ANLN: variants seen among roughly 807,000 people sequenced by gnomAD.
The protein encoded by ANLN is anillin, actin binding protein.
In ANLN, 59 loss-of-function variants were observed where a neutral mutation model predicts 135.1. The ratio of observed to expected loss-of-function variants is 0.44; its 90% CI spans 0.35 to 0.54. ANLN has a LOEUF of 0.54. ANLN is among the 20% of genes least tolerant of loss of function. The pLI, the probability that ANLN is intolerant of heterozygous loss-of-function variation, is 0.00. For synonymous variants in ANLN, 406 were observed against 456.4 expected (o/e 0.89, Z 1.41); for missense variants, 1,182 against 1,340.0 (o/e 0.88, Z 1.84).
rs1177943225 is a variant in ANLN, at chr7:36,439,239, T to C, written c.2919T>C (p.Tyr973=). Residue 973 remains tyrosine, a synonymous_variant, in exon 21 of 24, where the codon TAT becomes TAC. Coordinates refer to ENST00000265748, the MANE Select transcript of ANLN (RefSeq NM_018685.5). ...TATCTTCTTTGGAAGGTCATATTTA[T>C]TTAAAAATAAAATGTCAAGTGAATT... ...PFLSSLEGHI[Y]LKIKCQVNSS... The C allele has an allele frequency of 1.3e-6, 2 of 1,597,674 alleles. No individual in the cohort carries two copies. Among genetic ancestry groups the C allele is most frequent in the African/African-American group, 2.7e-5 (2 of 74,420 alleles).
At position 36,422,005 on chromosome 7, in the gene ANLN, C is replaced by T. The variant is rs184149188; in HGVS notation, c.2299+13C>T. On this transcript the variant is annotated intron_variant, in intron 13 of 23. Transcript: ENST00000265748. ...CTTCTAATTGCAAGTAAGTGTGATG[C>T]ACCTGAAAGAGTTCCAACAAATTTC... is the stretch of plus-strand genomic sequence containing the variant. 1.3e-4 allele frequency: 212 copies of T among 1,602,458 alleles called. 3 individuals are homozygous for T. The East Asian group carries it at 4.0e-3, about 30-fold the overall frequency.
intron 22 of ANLN, 122 bp from the exon 23 acceptor site, chr7:36,449,543 A>G (rs1789159297): frequency 1.4e-6 from 1 of 735,362 alleles, no homozygotes; most frequent in Admixed American, 3.3e-5. Flanking sequence ...CAGTGTAACT[A>G]AATTTTAACT....
chr7:36,427,579 C>T (rs1247063716), intron 20 of ANLN, among the ~76,000 whole-genome samples: 3 of 152,146 alleles, frequency 2.0e-5, no homozygotes, highest in Non-Finnish European at 4.4e-5. Flanking sequence ...GTCTCGAACT[C>T]CTGGGCTCTG....
Position 36,401,579 on chromosome 7 carries a change from T to A in ANLN, c.487+2186T>A, listed in dbSNP as rs183291990. ...GTCTTGAACTCCTGACCTCAGGTGA[T>A]CCGCCTGCCGCGGCCTCCCAAAGTG... On this transcript the variant is annotated intron_variant, in intron 3 of 23. Coordinates refer to ENST00000265748, the MANE Select transcript of ANLN (RefSeq NM_018685.5). 6.0e-4 allele frequency among the ~76,000 whole-genome samples: 84 copies of A among 139,218 alleles called. 5 individuals are homozygous for A. Among genetic ancestry groups the A allele is most frequent in the Admixed American group, 2.1e-3 (30 of 14,252 alleles). 91.3% of individuals were successfully genotyped at this position (139,218 alleles called of 152,430 possible). A position where few individuals can be genotyped will look rare whatever the true frequency, so the allele number is the denominator to read the frequency against.
chr7:36,451,599 G>C (rs150846009), intron 23 of ANLN, among the ~76,000 whole-genome samples: 1 of 152,276 alleles, frequency 6.6e-6, no homozygotes, highest in African/African-American at 2.4e-5. Context: ...AACACACTTA[G>C]CACAGTTTCC....
At chr7:36,419,611 C>G in intron 10 of ANLN, 132 bp downstream of exon 10, 1 of 689,004 alleles carries the variant, frequency 1.5e-6, no homozygotes. Context: ...GTTGTCTGTT[C>G]TCTTAAAAGA....
chr7:36,428,014 T>A (rs1483536812), intron 20 of ANLN, among the ~76,000 whole-genome samples: 2 of 152,208 alleles, frequency 1.3e-5, no homozygotes, highest in Admixed American at 6.5e-5. Flanking sequence ...TTACCCTTAG[T>A]GATTTACTCT....
At chr7:36,447,715 G>T (rs1268330486) in intron 22 of ANLN, among the ~76,000 whole-genome samples, 2 of 152,148 alleles carry the variant, frequency 1.3e-5, no homozygotes, top group East Asian at 3.9e-4. Flanking sequence ...GGTAAGGCGT[G>T]GATACGCTGG....
intron 22 of ANLN, among the ~76,000 whole-genome samples, chr7:36,444,426 T>C (rs961430273): frequency 6.6e-6 from 1 of 152,208 alleles, no homozygotes; most frequent in African/African-American, 2.4e-5. Context: ...TTCCTTCTTT[T>C]CTACTGGATG....
intron 9 of ANLN, among the ~76,000 whole-genome samples, chr7:36,417,599 G>C (rs1281175621): frequency 1.3e-5 from 2 of 151,918 alleles, no homozygotes; most frequent in Non-Finnish European, 2.9e-5. Flanking sequence ...CCACAGGTTG[G>C]GGACTCAGTC....
rs527704563 is a variant in ANLN at position 36,400,859 on chromosome 7, TA to T, written c.487+1467del. Among the ~76,000 whole-genome samples the T allele has an allele frequency of 6.5e-3, 993 of 152,288 alleles. 4 individuals are homozygous for T. Among genetic ancestry groups the T allele is most frequent in the Non-Finnish European group, 9.4e-3 (642 of 68,016 alleles). On this transcript the variant is annotated intron_variant, in intron 3 of 23. Transcript: ENST00000265748. ...GGAGCTCAAAGATGTGCTTTTGTCT[TA>T]TTTTTTTTAAAGCTCTTTAGGTAAT...
At position 36,408,243 on chromosome 7, in the gene ANLN, G is replaced by A. The variant is rs998468797; in HGVS notation, c.1096+287G>A. 2.6e-5 allele frequency among the ~76,000 whole-genome samples: 4 copies of A among 152,046 alleles called. 1 individual carries two copies. The highest frequency in any genetic ancestry group is 4.1e-4 in the South Asian group (2 of 4,832). Reference sequence around the variant, plus strand: ...TTCTATATTTTTTGATTCAGACAAAGCATGTTTAACTGGAAATCACATTTT... The same window carrying A: ...TTCTATATTTTTTGATTCAGACAAAACATGTTTAACTGGAAATCACATTTT... On this transcript the variant is annotated intron_variant, in intron 5 of 23. Coordinates refer to ENST00000265748, the MANE Select transcript of ANLN (RefSeq NM_018685.5).
intron 1 of ANLN, among the ~76,000 whole-genome samples, chr7:36,391,801 A>G (rs1351930519): frequency 6.6e-6 from 1 of 152,242 alleles, no homozygotes; most frequent in East Asian, 1.9e-4. Flanking sequence ...TAAGTCTATC[A>G]TATTAACGCC....
In ANLN at chr7:36,407,791, G is replaced by A. The variant is rs1309762935; in HGVS notation, c.931G>A (p.Gly311Arg). 1.9e-6 allele frequency: 3 copies of A among 1,613,676 alleles called. No homozygotes were observed. In the South Asian group the frequency reaches 3.3e-5, roughly 18 times the overall value. The stretch of plus-strand genomic sequence containing the variant: ...TATCACTGATGCTAAAAGTTGTGAG[G>A]GACAAAATCCTGAGCTACTTCCAAA... Reference protein sequence around the residue: ...TSITDAKSCEGQNPELLPKTP... With the variant: ...TSITDAKSCERQNPELLPKTP... The change falls in exon 5 of 24, where the codon GGA becomes AGA. Residue 311 changes from glycine (G) to arginine (R), a missense_variant. Transcript: ENST00000265748.
At chr7:36,435,626 C>T (rs1023686825) in intron 20 of ANLN, among the ~76,000 whole-genome samples, 6 of 151,998 alleles carry the variant, frequency 3.9e-5, no homozygotes, top group African/African-American at 1.5e-4. Flanking sequence ...GTAATCCCAG[C>T]ACTTTGGGAG....
intron 4 of ANLN, 57 bp from the exon 5 acceptor site, chr7:36,407,677 T>C (rs1787244797): frequency 4.7e-6 from 6 of 1,286,362 alleles, no homozygotes; most frequent in Non-Finnish European, 6.7e-6. Context: ...TGTTTTGTTA[T>C]AGGACTATTT....
intron 21 of ANLN, among the ~76,000 whole-genome samples, chr7:36,441,474 T>G (rs545816868): frequency 6.6e-6 from 1 of 152,334 alleles, no homozygotes; most frequent in East Asian, 1.9e-4. Flanking sequence ...TCAGCTCAGC[T>G]TCCTTTCCTG....
At position 36,453,583 on chromosome 7, in the gene ANLN, T is replaced by G. The variant is rs1474051586; in HGVS notation, c.*983T>G. 6.6e-6 allele frequency: 1 copy of G among 152,266 alleles called. No individual in the cohort carries two copies. The highest frequency in any genetic ancestry group is 2.4e-5 in the African/African-American group (1 of 41,438). 9.4% of individuals were successfully genotyped at this position (152,266 alleles called of 1,614,324 possible). On this transcript the variant is annotated 3_prime_UTR_variant, in exon 24 of 24. Transcript: ENST00000265748. ...GCCTTTTTTTAAAATTATAAAATAT[T>G]GTAAAGCAGGGTCTCAACTTTTAAA...
chr7:36,393,522 G>T (rs964472788), intron 1 of ANLN, among the ~76,000 whole-genome samples: 1 of 152,194 alleles, frequency 6.6e-6, no homozygotes, highest in South Asian at 2.1e-4. Flanking sequence ...TTACAAAGGG[G>T]TCCTGATGGG....
Sources: allele counts gnomAD v4.1 joint callset (sites outside exome capture counted in the v4.1 genomes callset), GRCh38; gene constraint gnomAD v4.1.1; transcripts MANE v1.5; gene names NCBI Gene and HGNC (gene_info 2026-07-23, HGNC 2026-07-21).